AASS: variants seen among roughly 807,000 people sequenced by gnomAD.
AASS encodes the protein alpha-aminoadipic semialdehyde synthase, mitochondrial.
In AASS, 86 loss-of-function variants were observed where a neutral mutation model predicts 105.4. The observed-to-expected ratio is 0.82, with a 90% confidence interval of 0.69 to 0.98. The LOEUF (loss-of-function observed/expected upper bound fraction) is 0.98. Among genes scored for constraint, AASS ranks in the 50% least tolerant of loss-of-function variants. The pLI is 0.00. For missense variants in AASS, 1,048 were observed against 1,143.2 expected, an observed-to-expected ratio of 0.92 and a Z score of 1.20; for synonymous variants, 381 against 394.8, an observed-to-expected ratio of 0.96 and a Z score of 0.41.
Position 122,079,124 on chromosome 7 carries a change from C to T in AASS, c.2397-174G>A, listed in dbSNP as rs892402401. 6 of 1,504,648 alleles carry T rather than the reference C, an allele frequency of 4.0e-6. No homozygotes were observed. In the Admixed American group the frequency reaches 6.1e-5, roughly 15 times the overall value. 93.2% of individuals were successfully genotyped at this position (1,504,648 alleles called of 1,614,324 possible). ...AACAATAACAATAGCAATGTTTTAA[C>T]CTTCAGAATCTTCTCCAGACTCACC... On this transcript the variant is annotated intron_variant, in intron 21 of 23. Coordinates refer to ENST00000417368, the MANE Select transcript of AASS (RefSeq NM_005763.4).
chr7:122,143,523 T>C (rs1428441753), intron 1 of AASS, among the ~76,000 whole-genome samples: 1 of 151,416 alleles, frequency 6.6e-6, no homozygotes, highest in East Asian at 2.0e-4. Flanking sequence ...CCGCAGGGGC[T>C]GAAGAGTTCA....
chr7:122,081,664 G>T, intron 19 of AASS, 69 bp from the exon 20 acceptor site: 1 of 1,045,786 alleles, frequency 9.6e-7, no homozygotes, highest in Non-Finnish European at 1.5e-6. Flanking sequence ...AAATATTTTT[G>T]AAAAGAGGGA....
In AASS at chr7:122,085,952, G is replaced by A. The variant is rs6466812; in HGVS notation, c.2184+60C>T. 3,332 of 1,581,394 alleles carry A rather than the reference G, an allele frequency of 2.1e-3. 60 individuals carry two copies. The African/African-American group carries it at 0.04, about 19-fold the overall frequency. On this transcript the variant is annotated intron_variant, in intron 19 of 23. Coordinates refer to ENST00000417368, the MANE Select transcript of AASS (RefSeq NM_005763.4). The stretch of plus-strand genomic sequence containing the variant: ...TATTTTGACTACTAAGAAAAATTAA[G>A]TGTACACATCACTTACATCACAACT...
At chr7:122,118,658 ACT>A in intron 4 of AASS, 28 bp from the exon 5 acceptor site, 1 of 1,606,376 alleles carries the variant, frequency 6.2e-7, no homozygotes, top group Non-Finnish European at 8.5e-7. Flanking sequence ...CAATAGAAAG[ACT>A]ATTAGTTGGG....
chr7:122,101,733 C>G, intron 11 of AASS, 53 bp from the exon 12 acceptor site: 1 of 1,327,430 alleles, frequency 7.5e-7, no homozygotes, highest in South Asian at 1.2e-5. Flanking sequence ...AAGAAGGCCT[C>G]TTGGTGTTTG....
intron 19 of AASS, among the ~76,000 whole-genome samples, chr7:122,083,268 A>C (rs1207517951): frequency 6.6e-6 from 1 of 152,190 alleles, no homozygotes; most frequent in African/African-American, 2.4e-5. Flanking sequence ...CAAAGAGGAG[A>C]AACAGAAAAG....
intron 2 of AASS, among the ~76,000 whole-genome samples, 195 bp downstream of exon 2, chr7:122,133,322 A>G (rs868170333): frequency 6.6e-6 from 1 of 152,184 alleles, no homozygotes; most frequent in Non-Finnish European, 1.5e-5. Flanking sequence ...GGAGAGAATG[A>G]TTGAAAAATA....
chr7:122,093,281 G>A, intron 15 of AASS, 123 bp from the exon 16 acceptor site: 2 of 775,940 alleles, frequency 2.6e-6, no homozygotes, highest in Non-Finnish European at 4.5e-6. Context: ...CTCAGAAAAG[G>A]GAACACTTAT....
intron 11 of AASS, among the ~76,000 whole-genome samples, chr7:122,102,030 T>G (rs1459705508): frequency 6.6e-6 from 1 of 151,888 alleles, no homozygotes; most frequent in Non-Finnish European, 1.5e-5. Flanking sequence ...AGTCCTCCCT[T>G]CAAGGGCCTC....
Position 122,076,494 on chromosome 7 carries a change from G to T in AASS, c.2776C>A (p.Pro926Thr), listed in dbSNP as rs764843011. 3 of 1,599,144 alleles carry T rather than the reference G, an allele frequency of 1.9e-6. No homozygotes were observed. The South Asian group carries it at 3.3e-5, about 18-fold the overall frequency. ...AAACAAAATATAATTCCCAATTATG[G>T]TTTAATTGTACTCTGTGTAGTATAT... The part of the protein sequence containing the change: ...IIYTTQSTIK[P>T] The change falls in exon 24 of 24, where the codon CCA (proline) becomes ACA (threonine). Residue 926 changes from proline to threonine, a missense_variant. Physicochemically the swap from Pro to Thr is conservative, Grantham distance 38. Transcript: ENST00000417368.
At chr7:122,101,272 A>C in intron 13 of AASS, 99 bp downstream of exon 13, 3 of 980,454 alleles carry the variant, frequency 3.1e-6, no homozygotes, top group Non-Finnish European at 4.9e-6. Context: ...ATAGTGTACA[A>C]ACCTAATATT....
At chr7:122,109,253 C>CAA (rs3069225) in intron 11 of AASS, among the ~76,000 whole-genome samples, 57,573 of 111,442 alleles carry the variant, frequency 0.52, 13,653 homozygotes, top group East Asian at 0.62. Context: ...CAATCCTTAC[C>CAA]AAAAAAAAAA....
At chr7:122,133,820 A>T (rs1336514223) in intron 1 of AASS, 79 bp from the exon 2 acceptor site, 4 of 1,220,640 alleles carry the variant, frequency 3.3e-6, no homozygotes, top group Non-Finnish European at 4.8e-6. Context: ...GAGAAATCTG[A>T]GGTAAAATAC....
At chr7:122,140,287 C>T (rs1796323448) in intron 1 of AASS, among the ~76,000 whole-genome samples, 1 of 151,608 alleles carries the variant, frequency 6.6e-6, no homozygotes, top group Admixed American at 6.6e-5. Flanking sequence ...AGGTCGAGAC[C>T]GTCCTGGCTG....
Position 122,101,522 on chromosome 7 carries a change from C to T in AASS, c.1339-84G>A, listed in dbSNP as rs1237218021. On this transcript the variant is annotated intron_variant, in intron 12 of 23. Transcript: ENST00000417368. Reference sequence around the variant, plus strand: ...GGTGTCATGACTGATAGAGAAAAGACAGAATGACAAAGATGGAGAGAGAGA... The same window carrying T: ...GGTGTCATGACTGATAGAGAAAAGATAGAATGACAAAGATGGAGAGAGAGA... 9.4e-6 allele frequency: 14 copies of T among 1,483,434 alleles called. No homozygotes were observed. The East Asian group carries it at 3.2e-4, about 34-fold the overall frequency. 91.9% of individuals were successfully genotyped at this position (1,483,434 alleles called of 1,614,324 possible). A position where few individuals can be genotyped will look rare whatever the true frequency, so the allele number is the denominator to read the frequency against.
Position 122,077,809 on chromosome 7 carries a change from A to C in AASS, c.2662+29T>G, listed in dbSNP as rs766283847. The C allele has an allele frequency of 2.4e-5, 38 of 1,614,020 alleles. No individual in the cohort carries two copies. In the South Asian group the frequency reaches 4.0e-4, roughly 17 times the overall value. On this transcript the variant is annotated intron_variant, in intron 23 of 23. Coordinates refer to ENST00000417368, the MANE Select transcript of AASS (RefSeq NM_005763.4). ...AATGGCTTGGAGGTGAAACAGAAAC[A>C]GGCTTACACCTCAAATGAACAGACT...
At chr7:122,142,126 C>T (rs1225042302) in intron 1 of AASS, among the ~76,000 whole-genome samples, 1 of 152,162 alleles carries the variant, frequency 6.6e-6, no homozygotes, top group Non-Finnish European at 1.5e-5. Context: ...GGTTCCTCAG[C>T]GGCCAAACTT....
intron 6 of AASS, 152 bp downstream of exon 6, chr7:122,118,155 C>A (rs1053121933): frequency 6.3e-5 from 51 of 812,674 alleles, no homozygotes; most frequent in Non-Finnish European, 9.4e-5. Context: ...ATCATTACTA[C>A]TTTTCACTAT....
At position 122,091,818 on chromosome 7, in the gene AASS, C is replaced by T. The variant is rs1438774194; in HGVS notation, c.1901G>A (p.Gly634Asp). The change falls in exon 18 of 24, where the codon GGT (glycine) becomes GAT (aspartate). Residue 634 changes from glycine (G) to aspartate (D), a missense_variant. Transcript: ENST00000417368. ...TGAATGTTCAGGGGCTGGAAGCCCA[C>T]CACAGTAGGAAATATATGATTCAAT... ...ATIESYISYC[G>D]GLPAPEHSNN... 1.9e-6 allele frequency: 3 copies of T among 1,610,436 alleles called. No homozygotes were observed. In the African/African-American group the frequency reaches 4.0e-5, roughly 22 times the overall value.
Sources: allele counts gnomAD v4.1 joint callset (sites outside exome capture counted in the v4.1 genomes callset), GRCh38; gene constraint gnomAD v4.1.1; transcripts MANE v1.5; gene names NCBI Gene and HGNC (gene_info 2026-07-23, HGNC 2026-07-21).